Variants in FARS2 observed in about 807,000 individuals in gnomAD.
FARS2 encodes the protein phenylalanyl-tRNA synthetase 2, mitochondrial.
Under a neutral mutation model 46.4 loss-of-function variants are expected in FARS2, and 40 were observed. That is an observed-to-expected ratio of 0.86 (90% confidence interval 0.67 to 1.12). The LOEUF (loss-of-function observed/expected upper bound fraction) is 1.12. Among genes scored for constraint, FARS2 ranks in the 50% most tolerant of loss-of-function variants. The probability of loss-of-function intolerance (pLI) is 0.00; values close to 1 mark genes in which losing one functional copy is unlikely to be tolerated. For synonymous variants in FARS2, 234 were observed against 214.9 expected (o/e 1.09, Z -0.78); for missense variants, 513 against 567.9 (o/e 0.90, Z 0.98).
chr6:5,675,229 C>T (rs1778701881), intron 6 of FARS2, among the ~76,000 whole-genome samples: 1 of 139,938 alleles, frequency 7.1e-6, no homozygotes, highest in African/African-American at 2.5e-5. Flanking sequence ...CACACACACA[C>T]ACACACACAC....
In FARS2 at chr6:5,295,938, G is replaced by A. The variant is rs149537252; in HGVS notation, c.-22+34278G>A. Among the ~76,000 whole-genome samples, 524 of 152,220 alleles carry A rather than the reference G, an allele frequency of 3.4e-3. 1 individual carries two copies. Among genetic ancestry groups the A allele is most frequent in the Middle Eastern group, 0.027 (8 of 294 alleles). Reference sequence around the variant, plus strand: ...AACACTGTGGCAGGGACCGTGGGGAGCTACAAAGGTGGGAAGGTAAGATAG... The same window carrying A: ...AACACTGTGGCAGGGACCGTGGGGAACTACAAAGGTGGGAAGGTAAGATAG... On this transcript the variant is annotated intron_variant, in intron 1 of 6. Coordinates refer to ENST00000274680, the MANE Select transcript of FARS2 (RefSeq NM_006567.5).
At chr6:5,423,523 G>C (rs995153377) in intron 3 of FARS2, among the ~76,000 whole-genome samples, 4 of 152,060 alleles carry the variant, frequency 2.6e-5, no homozygotes, top group Non-Finnish European at 4.4e-5. Context: ...TGTGGGACCA[G>C]TTATACCATT....
At position 5,369,104 on chromosome 6, in the gene FARS2, C is replaced by T; in HGVS notation, c.534C>T (p.Tyr178=). ...LDAFLVVGDV[Y]RRDQIDSQHY... ...CCTTCCTGGTGGTGGGTGATGTCTA[C>T]AGGCGTGACCAGATCGACTCCCAGC... The change falls in exon 2 of 7, where the codon TAC becomes TAT. Residue 178 remains tyrosine (Y), a synonymous_variant. Coordinates refer to ENST00000274680, the MANE Select transcript of FARS2 (RefSeq NM_006567.5). 1 of 1,613,678 alleles carries T rather than the reference C, an allele frequency of 6.2e-7. No homozygotes were observed. The highest frequency in any genetic ancestry group is 8.5e-7 in the Non-Finnish European group (1 of 1,179,996).
intron 5 of FARS2, among the ~76,000 whole-genome samples, chr6:5,600,631 A>AT (rs1201273123): frequency 3.3e-5 from 5 of 152,190 alleles, no homozygotes; most frequent in African/African-American, 4.8e-5. Flanking sequence ...AGTGCATGCT[A>AT]TTTTTTATAG....
At chr6:5,750,097 G>A (rs187778950) in intron 6 of FARS2, among the ~76,000 whole-genome samples, 2 of 152,164 alleles carry the variant, frequency 1.3e-5, no homozygotes, top group Non-Finnish European at 2.9e-5. Context: ...TGCCCTCTCC[G>A]AGTTAGTGGG....
At chr6:5,332,614 C>T (rs555029503) in intron 1 of FARS2, among the ~76,000 whole-genome samples, 1 of 152,140 alleles carries the variant, frequency 6.6e-6, no homozygotes, top group African/African-American at 2.4e-5. Flanking sequence ...TTTAAAATCA[C>T]GCTAACTCAG....
At chr6:5,317,908 C>CTGG (rs1470010483) in intron 1 of FARS2, among the ~76,000 whole-genome samples, 1 of 152,076 alleles carries the variant, frequency 6.6e-6, no homozygotes, top group Non-Finnish European at 1.5e-5. Flanking sequence ...TGCTCTTTCT[C>CTGG]TGGAGGGCTT....
intron 1 of FARS2, among the ~76,000 whole-genome samples, chr6:5,309,711 GA>G (rs1768958060): frequency 6.6e-6 from 1 of 152,090 alleles, no homozygotes; most frequent in Non-Finnish European, 1.5e-5. Context: ...GAGTTAAATG[GA>G]AAAAGGAACA....
At chr6:5,767,056 CA>C (rs1016782577) in intron 6 of FARS2, among the ~76,000 whole-genome samples, 1 of 151,292 alleles carries the variant, frequency 6.6e-6, no homozygotes, top group Non-Finnish European at 1.5e-5. Context: ...TTAATCCATC[CA>C]AAAAAAATTT....
At chr6:5,567,980 G>C (rs1429813991) in intron 5 of FARS2, among the ~76,000 whole-genome samples, 1 of 152,176 alleles carries the variant, frequency 6.6e-6, no homozygotes, top group East Asian at 1.9e-4. Context: ...AGATTGCATT[G>C]TTACTCCTGA....
intron 6 of FARS2, among the ~76,000 whole-genome samples, chr6:5,749,030 C>T (rs910294746): frequency 6.6e-6 from 1 of 152,224 alleles, no homozygotes; most frequent in South Asian, 2.1e-4. Flanking sequence ...GGCTCCCTAA[C>T]CTGCCTTCCC....
intron 6 of FARS2, among the ~76,000 whole-genome samples, chr6:5,631,464 C>T (rs1436216698): frequency 4.6e-5 from 7 of 152,156 alleles, no homozygotes; most frequent in African/African-American, 1.7e-4. Flanking sequence ...AATAGAAAAA[C>T]AAAATTCAAG....
intron 1 of FARS2, among the ~76,000 whole-genome samples, chr6:5,262,510 C>T (rs934435257): frequency 3.3e-5 from 5 of 152,122 alleles, no homozygotes; most frequent in Non-Finnish European, 1.5e-5. Flanking sequence ...AACTCCTGAC[C>T]TCAGGCAATC....
At chr6:5,494,786 T>A (rs553409330) in intron 4 of FARS2, among the ~76,000 whole-genome samples, 2 of 152,364 alleles carry the variant, frequency 1.3e-5, no homozygotes, top group East Asian at 3.9e-4. Flanking sequence ...AGAGGCTTTA[T>A]TATTTTCTTT....
intron 4 of FARS2, among the ~76,000 whole-genome samples, chr6:5,533,466 A>G (rs1769989590): frequency 6.6e-6 from 1 of 152,210 alleles, no homozygotes; most frequent in African/African-American, 2.4e-5. Flanking sequence ...AACCTTTCCT[A>G]CCATACTATT....
chr6:5,351,240 A>G (rs773374488), intron 1 of FARS2, among the ~76,000 whole-genome samples: 1 of 152,250 alleles, frequency 6.6e-6, no homozygotes, highest in African/African-American at 2.4e-5. Context: ...GCTGATATAT[A>G]TAAGCCATTT....
intron 6 of FARS2, among the ~76,000 whole-genome samples, chr6:5,687,605 T>G (rs974169332): frequency 7.2e-5 from 11 of 152,250 alleles, no homozygotes; most frequent in Non-Finnish European, 1.5e-4. Flanking sequence ...ACTGTAGCCT[T>G]GCAGTATAGT....
chr6:5,481,512 G>A (rs879824739), intron 4 of FARS2, among the ~76,000 whole-genome samples: 2 of 152,164 alleles, frequency 1.3e-5, no homozygotes, highest in Non-Finnish European at 1.5e-5. Context: ...ACTTGGGAAG[G>A]GGAGAAGCTG....
chr6:5,375,727 G>A (rs189658156), intron 2 of FARS2, among the ~76,000 whole-genome samples: 1 of 152,100 alleles, frequency 6.6e-6, no homozygotes, highest in East Asian at 1.9e-4. Context: ...CACATAAGTG[G>A]GAGGTGATGG....
Sources: gnomAD v4.1 joint callset for allele counts (sites outside exome capture counted in the v4.1 genomes callset) on GRCh38, gnomAD v4.1.1 for gene constraint, MANE v1.5 for transcripts, NCBI Gene and HGNC (gene_info 2026-07-23, HGNC 2026-07-21) for gene names.